DPF2: variants seen among roughly 807,000 people sequenced by gnomAD.
DPF2 encodes the protein double PHD fingers 2.
In DPF2, 10 loss-of-function variants were observed where a neutral mutation model predicts 59.6. The ratio of observed to expected loss-of-function variants is 0.17; its 90% CI spans 0.10 to 0.28. DPF2 has a LOEUF of 0.28. Among genes scored for constraint, DPF2 ranks in the 10% least tolerant of loss-of-function variants. The probability of loss-of-function intolerance (pLI) is 1.00; values close to 1 mark genes in which losing one functional copy is unlikely to be tolerated. For synonymous variants in DPF2, 189 were observed against 190.6 expected, an observed-to-expected ratio of 0.99 and a Z score of 0.07; for missense variants, 315 against 509.4, an observed-to-expected ratio of 0.62 and a Z score of 3.67.
rs1243247355 is a variant in DPF2, at chr11:65,352,446, A to G, written c.*687A>G. On this transcript the variant is annotated 3_prime_UTR_variant, in exon 11 of 11. Transcript: ENST00000528416. ...ACGGTCGGTCTCCAGTGACTGAAGC[A>G]TTCCCCACCCTTGGAATTTCTCATC... The G allele has an allele frequency of 1.3e-5, 2 of 152,364 alleles. No individual in the cohort carries two copies. Among genetic ancestry groups the G allele is most frequent in the Non-Finnish European group, 2.9e-5 (2 of 68,100 alleles). The allele number at this position is 152,364 out of a possible 1,614,324, so 9.4% of individuals were successfully genotyped here. A position where few individuals can be genotyped will look rare whatever the true frequency, so the allele number is the denominator to read the frequency against.
At chr11:65,344,216 C>T in intron 6 of DPF2, 147 bp downstream of exon 6, 1 of 798,392 alleles carries the variant, frequency 1.3e-6, no homozygotes, top group Non-Finnish European at 2.1e-6. Flanking sequence ...CCGTCTGAGA[C>T]CCCTGGGAGG....
chr11:65,337,835 G>A (rs1225845925), intron 1 of DPF2, among the ~76,000 whole-genome samples: 1 of 151,594 alleles, frequency 6.6e-6, no homozygotes, highest in East Asian at 1.9e-4. Flanking sequence ...ACAGAGTTTC[G>A]CTCTTGTTGC....
chr11:65,345,497 C>A, intron 6 of DPF2, 169 bp from the exon 7 acceptor site: 1 of 908,570 alleles, frequency 1.1e-6, no homozygotes, highest in Non-Finnish European at 1.6e-6. Context: ...CGGCCTGATG[C>A]TCCTGGCTGA....
At position 65,348,924 on chromosome 11, in the gene DPF2, C is replaced by G. The variant is rs756132079; in HGVS notation, c.1092C>G (p.Pro364=). 6.2e-7 allele frequency: 1 copy of G among 1,614,140 alleles called. No homozygotes were observed. The highest frequency in any genetic ancestry group is 8.5e-7 in the Non-Finnish European group (1 of 1,180,026). ...GTCTCACCCCGTCCATGTCTGAGCC[C>G]CCTGAAGGTAAGTTGCCCAGATCTT... ...MYCLTPSMSE[P]PEGSWSCHLC... is the part of the protein sequence containing the mutation. The change falls in exon 10 of 11, where the codon CCC becomes CCG. Residue 364 remains proline (P), a synonymous_variant. Transcript: ENST00000528416.
intron 1 of DPF2, among the ~76,000 whole-genome samples, chr11:65,338,838 G>A (rs1272338133): frequency 6.6e-6 from 1 of 152,140 alleles, no homozygotes; most frequent in Admixed American, 6.6e-5. Flanking sequence ...GGTGTAGCCC[G>A]AGTTACGGAC....
chr11:65,348,650 A>G (rs1189322398), intron 9 of DPF2, 200 bp from the exon 10 acceptor site: 3 of 481,066 alleles, frequency 6.2e-6, no homozygotes, highest in Non-Finnish European at 7.4e-6. Flanking sequence ...GATTTGATCA[A>G]TTAGGAGCTC....
intron 1 of DPF2, among the ~76,000 whole-genome samples, chr11:65,336,714 A>G (rs541650096): frequency 6.8e-6 from 1 of 148,104 alleles, no homozygotes; most frequent in South Asian, 2.2e-4. Context: ...ACTTGAATCC[A>G]GGAGGCAGAG....
intron 6 of DPF2, 166 bp from the exon 7 acceptor site, chr11:65,345,500 C>T: frequency 1.1e-6 from 1 of 948,024 alleles, no homozygotes; most frequent in Non-Finnish European, 1.6e-6. Flanking sequence ...CCTGATGCTC[C>T]TGGCTGAGGG....
chr11:65,345,780 C>T lies in DPF2; in HGVS notation c.752C>T (p.Ser251Phe), dbSNP rs1220853387. The change falls in exon 7 of 11, where the codon TCC becomes TTC. Residue 251 changes from serine to phenylalanine, a missense_variant. Physicochemically the swap from Ser to Phe is radical, Grantham distance 155. Transcript: ENST00000528416. ...KEDSQPPTPV[S>F]QRSEEQKSKK... ...GACTCTCAACCACCCACTCCTGTTT[C>T]CCAGAGGTCTGAGGAGCAGAAATGT... 4 of 1,613,968 alleles carry T rather than the reference C, an allele frequency of 2.5e-6. No individual in the cohort carries two copies. Among genetic ancestry groups the T allele is most frequent in the South Asian group, 1.1e-5 (1 of 91,086 alleles).
intron 8 of DPF2, 41 bp from the exon 9 acceptor site, chr11:65,346,206 G>T (rs746856930): frequency 9.2e-5 from 148 of 1,603,252 alleles, no homozygotes; most frequent in Admixed American, 2.4e-4. Flanking sequence ...TCTTCCCCCC[G>T]CATTTCCGAC....
At chr11:65,336,729 C>T (rs1284082736) in intron 1 of DPF2, among the ~76,000 whole-genome samples, 1 of 136,464 alleles carries the variant, frequency 7.3e-6, no homozygotes, top group Non-Finnish European at 1.5e-5. Flanking sequence ...GCAGAGGTTG[C>T]AGTGAGCCAA....
intron 10 of DPF2, 89 bp from the exon 11 acceptor site, chr11:65,351,594 C>A: frequency 1.8e-6 from 2 of 1,133,806 alleles, no homozygotes; most frequent in Non-Finnish European, 2.7e-6. Flanking sequence ...GCTGATCCTG[C>A]TATAGAGATG....
rs1223029207 is a variant in DPF2, at chr11:65,346,410, C to T, written c.1017+51C>T. On this transcript the variant is annotated intron_variant, in intron 9 of 10. Coordinates refer to ENST00000528416, the MANE Select transcript of DPF2 (RefSeq NM_006268.5). ...CATGGCTCCTTCTGGGCTTTTACTG[C>T]TGTTTGCACAGTTCCCTCTAAAGTG... is the stretch of plus-strand genomic sequence containing the variant. 4.0e-6 allele frequency: 6 copies of T among 1,518,200 alleles called. No individual in the cohort carries two copies. In the African/African-American group the frequency reaches 6.9e-5, roughly 17 times the overall value. The allele number at this position is 1,518,200 out of a possible 1,614,324, so 94.0% of individuals were successfully genotyped here.
At chr11:65,341,240 A>G (rs1854361308) in intron 3 of DPF2, among the ~76,000 whole-genome samples, 159 bp from the exon 4 acceptor site, 1 of 151,460 alleles carries the variant, frequency 6.6e-6, no homozygotes, top group Non-Finnish European at 1.5e-5. Flanking sequence ...AGGTAAACAG[A>G]TAAGTTATGG....
rs1212092596 is a variant in DPF2 at position 65,341,393 on chromosome 11, T to C, written c.302-6T>C. On this transcript the variant is annotated splice_polypyrimidine_tract_variant and splice_region_variant and intron_variant, in intron 3 of 10. Transcript: ENST00000528416. ...GAGCCTTGCTTTATCCTGACCTTGC[T>C]TGCAGACACAGACCAGACCCTGAAG... is the stretch of plus-strand genomic sequence containing the variant. The C allele has an allele frequency of 2.2e-5, 36 of 1,614,038 alleles. No homozygotes were observed. Among genetic ancestry groups the C allele is most frequent in the Non-Finnish European group, 3.1e-5 (36 of 1,180,032 alleles).
rs1253954759 is a variant in DPF2, at chr11:65,343,978, C to T, written c.559-13C>T. 6.2e-7 allele frequency: 1 copy of T among 1,614,024 alleles called. No individual in the cohort carries two copies. The highest frequency in any genetic ancestry group is 8.5e-7 in the Non-Finnish European group (1 of 1,180,004). On this transcript the variant is annotated splice_polypyrimidine_tract_variant and intron_variant, in intron 5 of 10. Transcript: ENST00000528416. Reference sequence around the variant, plus strand: ...CTACCAAAATAAGGGTGTCTCTTTGCTCTTCTTGGCAGGGTAAGGGTGTGG... The same window carrying T: ...CTACCAAAATAAGGGTGTCTCTTTGTTCTTCTTGGCAGGGTAAGGGTGTGG...
rs764435076 is a variant in DPF2 at position 65,345,649 on chromosome 11, ATCT to A, written c.638-11_638-9del. 3.1e-6 allele frequency: 5 copies of A among 1,613,780 alleles called. No individual in the cohort carries two copies. The highest frequency in any genetic ancestry group is 1.1e-5 in the South Asian group (1 of 91,060). On this transcript the variant is annotated splice_polypyrimidine_tract_variant and intron_variant, in intron 6 of 10. Coordinates refer to ENST00000528416, the MANE Select transcript of DPF2 (RefSeq NM_006268.5). Reference sequence around the variant, plus strand: ...TTGTATCCTAACACCTTTCTCTGCAATCTTCTTCCCACTCAGTTTGTGGAAAAC... The same window carrying A: ...TTGTATCCTAACACCTTTCTCTGCAATCTTCCCACTCAGTTTGTGGAAAAC...
At chr11:65,344,098 C>A (rs1342927475) in intron 6 of DPF2, 29 bp downstream of exon 6, 1 of 1,610,044 alleles carries the variant, frequency 6.2e-7, no homozygotes, top group Non-Finnish European at 8.5e-7. Context: ...GGTGGGTAGA[C>A]CTTGCCTTGG....
intron 6 of DPF2, 155 bp downstream of exon 6, chr11:65,344,224 A>G: frequency 2.7e-6 from 2 of 749,170 alleles, no homozygotes; most frequent in African/African-American, 1.7e-5. Flanking sequence ...GACCCCTGGG[A>G]GGCCTGGGTC....
Sources: allele counts gnomAD v4.1 joint callset (sites outside exome capture counted in the v4.1 genomes callset), GRCh38; gene constraint gnomAD v4.1.1; transcripts MANE v1.5; gene names NCBI Gene and HGNC (gene_info 2026-07-23, HGNC 2026-07-21).